FSAF1: variants seen among roughly 807,000 people sequenced by gnomAD.
FSAF1 encodes the protein uncharacterized protein C1orf131.
chr1:231,226,663 C>T, the FSAF1 span: 1 of 1,337,330 alleles, frequency 7.5e-7, no homozygotes, highest in South Asian at 1.2e-5. Context: ...CAAGCAGCGG[C>T]TTCCGGCATT....
At chr1:231,224,398 A>C in the FSAF1 span, 3 of 1,603,662 alleles carry the variant, frequency 1.9e-6, no homozygotes, top group Non-Finnish European at 2.5e-6. Flanking sequence ...CTGGGAGCGG[A>C]CTTCTTTTTG....
the FSAF1 span, among the ~76,000 whole-genome samples, chr1:231,230,941 A>C: frequency 6.6e-6 from 1 of 152,252 alleles, no homozygotes; most frequent in Non-Finnish European, 1.5e-5. Context: ...CATCAGCAGC[A>C]TCATGGGCAT....
chr1:231,239,531 G>A, the FSAF1 span, among the ~76,000 whole-genome samples: 1 of 152,174 alleles, frequency 6.6e-6, no homozygotes, highest in African/African-American at 2.4e-5. Flanking sequence ...TGCAGCCACT[G>A]TTTCTTTTTA....
chr1:231,228,850 G>A, the FSAF1 span, among the ~76,000 whole-genome samples: 1 of 152,076 alleles, frequency 6.6e-6, no homozygotes. Flanking sequence ...TTAGCCAGGT[G>A]TGGTTGCAGG....
chr1:231,231,582 G>A, the FSAF1 span, among the ~76,000 whole-genome samples: 1 of 152,086 alleles, frequency 6.6e-6, no homozygotes, highest in Non-Finnish European at 1.5e-5. Context: ...CAGATTTCTA[G>A]CAATACTGGA....
At chr1:231,235,495 CAA>C in the FSAF1 span, among the ~76,000 whole-genome samples, 11 of 130,776 alleles carry the variant, frequency 8.4e-5, no homozygotes, top group African/African-American at 5.7e-5. Flanking sequence ...GACTCCATCT[CAA>C]AAAAAAAAAA....
the FSAF1 span, among the ~76,000 whole-genome samples, chr1:231,227,538 G>A: frequency 6.6e-6 from 1 of 151,218 alleles, no homozygotes; most frequent in Admixed American, 6.6e-5. Flanking sequence ...GCCTCCCAAA[G>A]TGCTGGGATT....
the FSAF1 span, among the ~76,000 whole-genome samples, chr1:231,234,131 A>G: frequency 6.6e-6 from 1 of 152,224 alleles, no homozygotes; most frequent in South Asian, 2.1e-4. The surrounding 1 kb of genome is among the most constrained non-coding windows in gnomAD (Gnocchi z 4.0). Flanking sequence ...GTACACCCCC[A>G]ATAAATATTA....
chr1:231,239,037 G>T, the FSAF1 span: 1 of 1,614,088 alleles, frequency 6.2e-7, no homozygotes, highest in Admixed American at 1.7e-5. Flanking sequence ...GTTCCTTGAA[G>T]AAGCTCGAAG....
the FSAF1 span, chr1:231,239,234 G>A: frequency 6.8e-7 from 1 of 1,461,852 alleles, no homozygotes; most frequent in African/African-American, 1.4e-5. Context: ...TTCAGTCTTA[G>A]CTATCATCAG....
chr1:231,229,251 C>A, the FSAF1 span: 1 of 1,278,878 alleles, frequency 7.8e-7, no homozygotes, highest in African/African-American at 1.5e-5. Context: ...GTTACTATAT[C>A]ATTATAGTAT....
the FSAF1 span, among the ~76,000 whole-genome samples, chr1:231,230,515 C>T: frequency 2.6e-5 from 4 of 152,190 alleles, no homozygotes; most frequent in African/African-American, 9.7e-5. Context: ...ATCTCCTGCC[C>T]TACCTGCCAA....
chr1:231,239,336 A>G, the FSAF1 span: 1 of 700,190 alleles, frequency 1.4e-6, no homozygotes, highest in East Asian at 2.9e-5. Context: ...TTTCTTTCAA[A>G]TAAGTGTATT....
At chr1:231,239,085 G>C in the FSAF1 span, 1 of 1,614,084 alleles carries the variant, frequency 6.2e-7, no homozygotes, top group South Asian at 1.1e-5. Flanking sequence ...AACCAGGTAG[G>C]GGAGATGGCT....
At chr1:231,226,766 C>CT in the FSAF1 span, 1 of 1,610,152 alleles carries the variant, frequency 6.2e-7, no homozygotes, top group Non-Finnish European at 8.5e-7. Context: ...CCTTTGCTGC[C>CT]TTTTTTTCTT....
chr1:231,225,998 C>CAAAAAAAAA, the FSAF1 span: 5 of 28,366 alleles, frequency 1.8e-4, no homozygotes, highest in Non-Finnish European at 2.4e-4. Context: ...ACGTAAAATG[C>CAAAAAAAAA]AAAAAAAAAA....
At chr1:231,225,223 C>T in the FSAF1 span, 1 of 545,664 alleles carries the variant, frequency 1.8e-6, no homozygotes, top group Non-Finnish European at 3.3e-6. Flanking sequence ...ATGTAAACTG[C>T]AGCTTTTCCA....
At chr1:231,236,427 A>C in the FSAF1 span, among the ~76,000 whole-genome samples, 1 of 152,208 alleles carries the variant, frequency 6.6e-6, no homozygotes, top group Non-Finnish European at 1.5e-5. Context: ...GAAAATTTTC[A>C]TTAAGGTCAG....
chr1:231,226,672 T>C, the FSAF1 span: 1 of 1,408,544 alleles, frequency 7.1e-7, no homozygotes, highest in Non-Finnish European at 1.0e-6. Context: ...GCTTCCGGCA[T>C]TCCACTGTGG....
Sources: allele counts gnomAD v4.1 joint callset (sites outside exome capture counted in the v4.1 genomes callset), GRCh38; gene constraint gnomAD v4.1.1; non-coding constraint Gnocchi (gnomAD v3.1); transcripts MANE v1.5; gene names NCBI Gene and HGNC (gene_info 2026-07-23, HGNC 2026-07-21).